Variants in PDE10A observed in about 807,000 individuals in gnomAD.
The protein encoded by PDE10A is cAMP and cAMP-inhibited cGMP 3',5'-cyclic phosphodiesterase 10A.
Under a neutral mutation model 97.7 loss-of-function variants are expected in PDE10A, and 39 were observed. That is an observed-to-expected ratio of 0.40 (90% CI 0.31 to 0.52). The LOEUF is 0.52. Among genes scored for constraint, PDE10A ranks in the 20% least tolerant of loss-of-function variants. The pLI is 0.56. For missense variants in PDE10A, 731 were observed against 1,047.8 expected, an observed-to-expected ratio of 0.70 and a Z score of 4.17; for synonymous variants, 371 against 376.8, an observed-to-expected ratio of 0.98 and a Z score of 0.18.
chr6:165,894,395 C>A (rs765416901), intron 1 of PDE10A: 149 of 455,902 alleles, frequency 3.3e-4, no homozygotes, highest in Non-Finnish European at 7.5e-5. Flanking sequence ...TGGCTGAAAC[C>A]ACAAGATGAA....
At chr6:165,604,730 A>G (rs977881122) in intron 1 of PDE10A, among the ~76,000 whole-genome samples, 1 of 152,216 alleles carries the variant, frequency 6.6e-6, no homozygotes, top group African/African-American at 2.4e-5. Context: ...TGCTTGCGCT[A>G]TGTTACTAAA....
chr6:165,671,770 G>A lies in PDE10A; in HGVS notation c.-614-128202C>T, dbSNP rs375454549. Among the ~76,000 whole-genome samples, 9 of 152,252 alleles carry A rather than the reference G, an allele frequency of 5.9e-5. 1 individual carries two copies. The highest frequency in any genetic ancestry group is 2.2e-4 in the African/African-American group (9 of 41,552). ...GTGTGTTTACATATATACAGTGTGT[G>A]TGTGCTTTATTCTCTAAGGCAGGAT... On this transcript the variant is annotated intron_variant, in intron 1 of 19. Transcript: ENST00000366882. This position sits in a 1 kb window ranked among gnomAD's most constrained non-coding sequence, Gnocchi z 4.6.
chr6:165,850,971 G>A (rs1291858430), intron 1 of PDE10A, among the ~76,000 whole-genome samples: 3 of 152,128 alleles, frequency 2.0e-5, no homozygotes, highest in Admixed American at 6.5e-5. Context: ...CTGGAGTTTC[G>A]ATCAGACAGT....
Position 165,413,004 on chromosome 6 carries a change from C to T in PDE10A, c.2076+497G>A, listed in dbSNP as rs767468330. 1.6e-4 allele frequency among the ~76,000 whole-genome samples: 24 copies of T among 151,990 alleles called. 1 individual carries two copies. The highest frequency in any genetic ancestry group is 1.2e-4 in the Non-Finnish European group (8 of 68,000). ...ACTTCATTTTACCCTTCAGTGAACA[C>T]GGTACAACTTTCACGAGGACTGAGT... is the stretch of plus-strand genomic sequence containing the variant. On this transcript the variant is annotated intron_variant, in intron 13 of 21. Coordinates refer to ENST00000539869, the MANE Select transcript of PDE10A (RefSeq NM_001385079.1).
At chr6:165,536,602 T>TAA (rs750499018) in intron 2 of PDE10A, among the ~76,000 whole-genome samples, 4 of 137,930 alleles carry the variant, frequency 2.9e-5, no homozygotes, top group African/African-American at 5.3e-5. Flanking sequence ...AGATCAATAG[T>TAA]AAAAAAAAAA....
chr6:165,515,331 A>G (rs928151870), intron 2 of PDE10A, among the ~76,000 whole-genome samples: 7 of 152,098 alleles, frequency 4.6e-5, no homozygotes, highest in Non-Finnish European at 1.0e-4. Context: ...ATTTAATTAT[A>G]CCTATTGTAA....
intron 1 of PDE10A, among the ~76,000 whole-genome samples, chr6:165,923,505 G>T (rs1177026839): frequency 6.6e-6 from 1 of 152,206 alleles, no homozygotes; most frequent in Non-Finnish European, 1.5e-5. Context: ...GCGAAGACAG[G>T]CTGGGCTGCA....
chr6:165,888,339 G>T (rs1781686829), intron 1 of PDE10A, among the ~76,000 whole-genome samples: 1 of 151,662 alleles, frequency 6.6e-6, no homozygotes, highest in Non-Finnish European at 1.5e-5. Flanking sequence ...AGCCTGGAGT[G>T]CAGTGGTGTG....
chr6:165,567,906 A>C, intron 1 of PDE10A, among the ~76,000 whole-genome samples: 1 of 146,390 alleles, frequency 6.8e-6, no homozygotes, highest in East Asian at 2.0e-4. Context: ...CAAGATTCTT[A>C]TTTCTTTGGA....
In PDE10A at chr6:165,348,192, C is replaced by T. The variant is rs145159716; in HGVS notation, c.2784-4690G>A. ...AAGAGAAATTATGATTTTTAAGCTG[C>T]CATTTCAAATTATGAAATTAGTTTA... On this transcript the variant is annotated intron_variant, in intron 18 of 21. Transcript: ENST00000539869. Among the ~76,000 whole-genome samples the T allele has an allele frequency of 5.5e-4, 84 of 152,200 alleles. No homozygotes were observed. In the East Asian group the frequency reaches 0.015, roughly 27 times the overall value.
intron 2 of PDE10A, among the ~76,000 whole-genome samples, chr6:165,498,547 G>C (rs1277035736): frequency 7.2e-6 from 1 of 138,330 alleles, no homozygotes; most frequent in Non-Finnish European, 1.5e-5. Flanking sequence ...AGAATGTATT[G>C]TTCACCTCCA....
intron 1 of PDE10A, among the ~76,000 whole-genome samples, chr6:165,734,443 G>C (rs571179804): frequency 1.3e-5 from 2 of 152,164 alleles, no homozygotes; most frequent in South Asian, 2.1e-4. Context: ...TCAGAAGCTA[G>C]AACAAGCAAA....
chr6:165,540,255 T>C (rs1783349343), intron 2 of PDE10A, among the ~76,000 whole-genome samples: 1 of 152,170 alleles, frequency 6.6e-6, no homozygotes, highest in Non-Finnish European at 1.5e-5. Flanking sequence ...TAGCCAAATA[T>C]AAATCCTTTT....
intron 1 of PDE10A, among the ~76,000 whole-genome samples, chr6:165,758,026 T>C (rs1291026613): frequency 6.6e-6 from 1 of 152,256 alleles, no homozygotes; most frequent in Non-Finnish European, 1.5e-5. Context: ...ATATGTATTA[T>C]TTCTTTGATG....
At chr6:165,526,041 G>A (rs1023220685) in intron 2 of PDE10A, among the ~76,000 whole-genome samples, 8 of 152,094 alleles carry the variant, frequency 5.3e-5, no homozygotes, top group Non-Finnish European at 8.8e-5. Context: ...AGGGGAGGAC[G>A]GGTCCCCTTG....
At chr6:165,551,974 T>G (rs1784040787) in intron 1 of PDE10A, among the ~76,000 whole-genome samples, 1 of 152,058 alleles carries the variant, frequency 6.6e-6, no homozygotes, top group Non-Finnish European at 1.5e-5. Flanking sequence ...AAGCCCTTCC[T>G]TTCCTCACCT....
intron 1 of PDE10A, among the ~76,000 whole-genome samples, chr6:165,706,807 T>C (rs957978386): frequency 1.3e-5 from 2 of 152,216 alleles, no homozygotes; most frequent in Non-Finnish European, 2.9e-5. Flanking sequence ...CAGATTTACG[T>C]GGTTTCATTC....
At chr6:165,577,999 T>C (rs1455170957) in intron 1 of PDE10A, among the ~76,000 whole-genome samples, 1 of 152,200 alleles carries the variant, frequency 6.6e-6, no homozygotes, top group Non-Finnish European at 1.5e-5. Context: ...CACAGGCGTC[T>C]GCTCGCCCTG....
intron 2 of PDE10A, among the ~76,000 whole-genome samples, chr6:165,538,833 T>G (rs920874885): frequency 6.6e-6 from 1 of 152,210 alleles, no homozygotes; most frequent in Non-Finnish European, 1.5e-5. Flanking sequence ...AATATATACT[T>G]TGTACAAATA....
Sources: allele counts gnomAD v4.1 joint callset (sites outside exome capture counted in the v4.1 genomes callset), GRCh38; gene constraint gnomAD v4.1.1; non-coding constraint Gnocchi (gnomAD v3.1); transcripts MANE v1.5; gene names NCBI Gene and HGNC (gene_info 2026-07-23, HGNC 2026-07-21).